Variants in HDAC8 observed in about 807,000 individuals in gnomAD.
The protein encoded by HDAC8 is histone deacetylase 8, also known as histone deacetylase-like 1.
HDAC8 carries 1 observed loss-of-function variant against 32.2 expected under a neutral mutation model. That is an observed-to-expected ratio of 0.03 (90% CI 0.01 to 0.15). The LOEUF (loss-of-function observed/expected upper bound fraction) is 0.15. HDAC8 is among the 10% of genes least tolerant of loss of function. The pLI, the probability that HDAC8 is intolerant of heterozygous loss-of-function variation, is 1.00. For missense variants in HDAC8, 117 were observed against 300.0 expected, an observed-to-expected ratio of 0.39 and a Z score of 4.51; for synonymous variants, 108 against 113.9, an observed-to-expected ratio of 0.95 and a Z score of 0.33.
At chrX:72,411,828 C>T (rs1400966257) in intron 9 of HDAC8, among the ~76,000 whole-genome samples, 6 of 111,988 alleles carry the variant, frequency 5.4e-5, no homozygotes, top group African/African-American at 1.6e-4. Context: ...CAGGGAGAAT[C>T]GCCAAAGCTT....
Position 72,351,786 on chromosome X carries a change from C to T in HDAC8, c.1058G>A (p.Arg353Gln), listed in dbSNP as rs1157751678. 8.3e-6 allele frequency: 10 copies of T among 1,209,474 alleles called. No individual in the cohort carries two copies. The highest frequency in any genetic ancestry group is 2.3e-4 in the Middle Eastern group (1 of 4,374). Reference protein sequence around the residue: ...DYVLEITPSCRPDRNEPHRIQ... With the variant: ...DYVLEITPSCQPDRNEPHRIQ... ...TCGGTGGGGCTCATTGCGGTCTGGC[C>T]GGCAGCTTGGCGTGATTTCCAGCAC... The change falls in exon 10 of 11, where the codon CGG becomes CAG. Residue 353 changes from arginine to glutamine, a missense_variant. Around this residue, in one of 4 missense-constraint regions of HDAC8, gnomAD observed 18 missense variants for 25.7 expected, o/e 0.70. Transcript: ENST00000373573.
intron 9 of HDAC8, among the ~76,000 whole-genome samples, chrX:72,353,193 T>C (rs1373865001): frequency 8.9e-6 from 1 of 112,318 alleles, no homozygotes; most frequent in Non-Finnish European, 1.9e-5. Flanking sequence ...GTGGGAGATG[T>C]TGTGGAACAA....
At chrX:72,517,566 T>C (rs1481659986) in intron 4 of HDAC8, among the ~76,000 whole-genome samples, 1 of 112,101 alleles carries the variant, frequency 8.9e-6, no homozygotes, top group Non-Finnish European at 1.9e-5. Flanking sequence ...TTTTAGCTCT[T>C]ACATTTTGGC....
intron 4 of HDAC8, among the ~76,000 whole-genome samples, chrX:72,507,168 T>C (rs1393396711): frequency 9.0e-6 from 1 of 111,530 alleles, no homozygotes; most frequent in Non-Finnish European, 1.9e-5. Context: ...TTTTTCATTA[T>C]TGCCATCCCT....
chrX:72,360,736 G>T, intron 9 of HDAC8, among the ~76,000 whole-genome samples: 1 of 111,963 alleles, frequency 8.9e-6, no homozygotes, highest in Admixed American at 9.5e-5. Flanking sequence ...AAGAACTTAG[G>T]CTCAACCATG....
intron 4 of HDAC8, among the ~76,000 whole-genome samples, chrX:72,511,794 A>G (rs1377277435): frequency 1.8e-5 from 2 of 112,201 alleles, no homozygotes; most frequent in African/African-American, 6.5e-5. Flanking sequence ...TGGCCCCTCT[A>G]TAACGTTTGA....
intron 4 of HDAC8, among the ~76,000 whole-genome samples, chrX:72,561,768 C>T (rs1360696735): frequency 4.5e-5 from 5 of 112,260 alleles, no homozygotes; most frequent in Non-Finnish European, 9.4e-5. Context: ...AGAAAATCTT[C>T]ACAATCTATA....
rs61675419 is a variant in HDAC8 at position 72,515,587 on chromosome X, T to TG, written c.438-20320dup. ...ATTCTCAAGGATCTTTCAGTGTGTG[T>TG]GGGGGGGGGGTGGGGGGGAAGTATG... On this transcript the variant is annotated intron_variant, in intron 4 of 10. Transcript: ENST00000373573. Among the ~76,000 whole-genome samples, 336 of 33,671 alleles carry TG rather than the reference T, an allele frequency of 1.0e-2. 2 individuals are homozygous for TG. Among genetic ancestry groups the TG allele is most frequent in the Non-Finnish European group, 0.016 (252 of 15,925 alleles). The allele number at this position is 33,671 out of a possible 115,157, so 29.2% of individuals were successfully genotyped here.
At chrX:72,399,965 A>C (rs1310994947) in intron 9 of HDAC8, among the ~76,000 whole-genome samples, 1 of 111,940 alleles carries the variant, frequency 8.9e-6, no homozygotes, top group Non-Finnish European at 1.9e-5. Flanking sequence ...CACTGTTGCT[A>C]AATCCAATGG....
At chrX:72,355,796 T>C (rs1221054035) in intron 9 of HDAC8, among the ~76,000 whole-genome samples, 3 of 111,956 alleles carry the variant, frequency 2.7e-5, no homozygotes, top group African/African-American at 6.5e-5. Flanking sequence ...TCCATAATCA[T>C]GTTTGATTAG....
intron 9 of HDAC8, among the ~76,000 whole-genome samples, chrX:72,395,753 T>C (rs989556701): frequency 2.7e-5 from 3 of 112,187 alleles, no homozygotes; most frequent in Non-Finnish European, 1.9e-5. Flanking sequence ...TTGCTTAAAC[T>C]TCTATCTACA....
chrX:72,490,814 C>T (rs2048846587), intron 6 of HDAC8, 115 bp downstream of exon 6: 6 of 514,718 alleles, frequency 1.2e-5, no homozygotes, highest in South Asian at 4.4e-5. Context: ...AAAAATTTTG[C>T]ATAGGATTGT....
chrX:72,438,189 A>G (rs1215877282), intron 9 of HDAC8, among the ~76,000 whole-genome samples: 1 of 112,103 alleles, frequency 8.9e-6, no homozygotes, highest in African/African-American at 3.2e-5. Context: ...CGCTGGTGAT[A>G]CCCAGGCAAA....
intron 7 of HDAC8, chrX:72,468,090 A>C (rs1555995861): frequency 9.4e-7 from 1 of 1,067,180 alleles, no homozygotes; most frequent in East Asian, 3.4e-5. Flanking sequence ...CTTCAAAGCA[A>C]CTGAAGTAAG....
At chrX:72,524,393 T>C (rs1356339149) in intron 4 of HDAC8, among the ~76,000 whole-genome samples, 3 of 111,851 alleles carry the variant, frequency 2.7e-5, no homozygotes, top group East Asian at 5.7e-4. Flanking sequence ...CTGCCATTCT[T>C]CACTCTTATA....
rs985440460 is a variant in HDAC8 at position 72,561,967 on chromosome X, A to G, written c.437+5922T>C. ...CTAGCGATCAGGAAAATGCAAATCA[A>G]AACCACAATGTGATACTATCTCACT... is the stretch of plus-strand genomic sequence containing the variant. On this transcript the variant is annotated intron_variant, in intron 4 of 10. Transcript: ENST00000373573. Among the ~76,000 whole-genome samples, 3 of 112,496 alleles carry G rather than the reference A, an allele frequency of 2.7e-5. No individual in the cohort carries two copies. In the East Asian group the frequency reaches 8.3e-4, roughly 31 times the overall value.
At chrX:72,414,553 A>C (rs1441966076) in intron 9 of HDAC8, among the ~76,000 whole-genome samples, 1 of 112,605 alleles carries the variant, frequency 8.9e-6, no homozygotes, top group Non-Finnish European at 1.9e-5. Flanking sequence ...AACGTACTTG[A>C]AGAAAGTTGC....
chrX:72,498,302 T>C (rs2049096510), intron 4 of HDAC8, among the ~76,000 whole-genome samples: 1 of 111,346 alleles, frequency 9.0e-6, no homozygotes, highest in Non-Finnish European at 1.9e-5. Context: ...TGCTTTGCTT[T>C]TTCTAGGTTA....
chrX:72,332,883 C>T (rs781940418), intron 10 of HDAC8, among the ~76,000 whole-genome samples: 31 of 110,722 alleles, frequency 2.8e-4, no homozygotes, highest in Non-Finnish European at 4.5e-4. Flanking sequence ...AACTCCTGAC[C>T]TCAAATAATC....
Sources: allele counts gnomAD v4.1 joint callset (sites outside exome capture counted in the v4.1 genomes callset), GRCh38; gene constraint gnomAD v4.1.1; regional missense constraint gnomAD v4.1.1; transcripts MANE v1.5; gene names NCBI Gene and HGNC (gene_info 2026-07-23, HGNC 2026-07-21).